Variants in EZH2 observed in about 807,000 individuals in gnomAD.
EZH2 encodes enhancer of zeste 2 polycomb repressive complex 2 subunit, also known as histone-lysine N-methyltransferase EZH2.
In EZH2, 18 loss-of-function variants were observed where a neutral mutation model predicts 98.4. That is an observed-to-expected ratio of 0.18 (90% CI 0.13 to 0.27). The LOEUF (loss-of-function observed/expected upper bound fraction) is 0.27. Among genes scored for constraint, EZH2 ranks in the 10% least tolerant of loss-of-function variants. The pLI, the probability that EZH2 is intolerant of heterozygous loss-of-function variation, is 1.00. For missense variants in EZH2, 470 were observed against 935.1 expected (o/e 0.50, Z 6.49); for synonymous variants, 338 against 312.3 (o/e 1.08, Z -0.87).
At chr7:148,849,669 A>G (rs958825548) in intron 1 of EZH2, among the ~76,000 whole-genome samples, 3 of 152,230 alleles carry the variant, frequency 2.0e-5, no homozygotes, top group Non-Finnish European at 4.4e-5. Context: ...TTAGGAAGGC[A>G]GTGAGGTAGG....
chr7:148,881,528 T>C (rs1205232052), intron 1 of EZH2, among the ~76,000 whole-genome samples: 1 of 152,152 alleles, frequency 6.6e-6, no homozygotes, highest in Non-Finnish European at 1.5e-5. Flanking sequence ...CAGAAAATAA[T>C]TTAATATGAA....
intron 3 of EZH2, among the ~76,000 whole-genome samples, chr7:148,843,708 G>A (rs950183383): frequency 1.4e-5 from 2 of 141,694 alleles, no homozygotes; most frequent in Non-Finnish European, 3.0e-5. Flanking sequence ...CCATTCTCCT[G>A]CCTCAGCCTC....
At chr7:148,829,960 T>A in intron 4 of EZH2, 112 bp from the exon 5 acceptor site, 1 of 676,752 alleles carries the variant, frequency 1.5e-6, no homozygotes, top group East Asian at 3.3e-5. Context: ...GTTCTCCAGA[T>A]TTAAAATACT....
intron 1 of EZH2, among the ~76,000 whole-genome samples, chr7:148,861,716 A>G (rs1479986879): frequency 6.6e-6 from 1 of 151,798 alleles, no homozygotes; most frequent in Non-Finnish European, 1.5e-5. Context: ...CATGCCTATA[A>G]TCCTAGCACT....
At chr7:148,809,910 C>T (rs1802555323) in intron 17 of EZH2, among the ~76,000 whole-genome samples, 1 of 152,254 alleles carries the variant, frequency 6.6e-6, no homozygotes, top group Non-Finnish European at 1.5e-5. Flanking sequence ...ATGAAAGCAG[C>T]TGCCTTTCCT....
chr7:148,875,506 G>A (rs942755689), intron 1 of EZH2, among the ~76,000 whole-genome samples: 1 of 152,136 alleles, frequency 6.6e-6, no homozygotes, highest in African/African-American at 2.4e-5. Flanking sequence ...ATGAAAAGAT[G>A]TTCCAACATC....
intron 12 of EZH2, among the ~76,000 whole-genome samples, chr7:148,816,018 T>C (rs1804447525): frequency 2.0e-5 from 3 of 152,330 alleles, no homozygotes; most frequent in African/African-American, 4.8e-5. Context: ...CCTACACTTA[T>C]TTTTGTTAAA....
Position 148,827,269 on chromosome 7 carries a change from A to G in EZH2, c.626-3T>C, listed in dbSNP as rs775960927. The G allele has an allele frequency of 7.5e-6, 12 of 1,605,268 alleles. No individual in the cohort carries two copies. Among genetic ancestry groups the G allele is most frequent in the Non-Finnish European group, 8.5e-6 (10 of 1,175,400 alleles). ...CCGAGGTGGGCGGCTTTCTTTATCTAAACAGGAGAATATGAAAGGAAAAAA... is the reference window on the plus strand; with the variant it reads ...CCGAGGTGGGCGGCTTTCTTTATCTGAACAGGAGAATATGAAAGGAAAAAA... On this transcript the variant is annotated splice_region_variant and splice_polypyrimidine_tract_variant and intron_variant, in intron 6 of 19. Coordinates refer to ENST00000320356, the MANE Select transcript of EZH2 (RefSeq NM_004456.5).
At chr7:148,869,666 A>G (rs1224050782) in intron 1 of EZH2, among the ~76,000 whole-genome samples, 2 of 152,210 alleles carry the variant, frequency 1.3e-5, no homozygotes, top group African/African-American at 4.8e-5. Flanking sequence ...AGGGCCCACT[A>G]CCTGAGGGAA....
At chr7:148,810,968 G>A (rs948992785) in intron 16 of EZH2, among the ~76,000 whole-genome samples, 9 of 151,308 alleles carry the variant, frequency 5.9e-5, no homozygotes, top group Non-Finnish European at 1.0e-4. Flanking sequence ...ATGATTTTTC[G>A]GTAACACTGT....
chr7:148,846,834 T>G (rs1814196667), intron 2 of EZH2, among the ~76,000 whole-genome samples: 2 of 123,540 alleles, frequency 1.6e-5, no homozygotes, highest in African/African-American at 6.3e-5. Context: ...CCTTTCTTTG[T>G]TGACTGTGTG....
chr7:148,862,907 G>GTTTTT (rs1817896416), intron 1 of EZH2, among the ~76,000 whole-genome samples: 1 of 145,130 alleles, frequency 6.9e-6, no homozygotes, highest in African/African-American at 2.6e-5. Context: ...TTTTTTGTTT[G>GTTTTT]TTTTTGTTTT....
chr7:148,814,268 A>G, intron 14 of EZH2, 131 bp from the exon 15 acceptor site: 1 of 727,910 alleles, frequency 1.4e-6, no homozygotes, highest in East Asian at 2.6e-5. Flanking sequence ...ACCCTACTAT[A>G]TAGACAAGGA....
At chr7:148,823,296 TGGC>T (rs1449060738) in intron 8 of EZH2, among the ~76,000 whole-genome samples, 1 of 152,220 alleles carries the variant, frequency 6.6e-6, no homozygotes, top group Non-Finnish European at 1.5e-5. Flanking sequence ...ATATTTGCTG[TGGC>T]ATCGTTACAG....
chr7:148,851,270 T>C (rs1467520518), intron 1 of EZH2, among the ~76,000 whole-genome samples: 1 of 152,122 alleles, frequency 6.6e-6, no homozygotes, highest in Admixed American at 6.5e-5. Flanking sequence ...ACCCTGTGGT[T>C]CAGTTGTCCC....
chr7:148,850,933 A>G (rs1301658649), intron 1 of EZH2, among the ~76,000 whole-genome samples: 1 of 152,226 alleles, frequency 6.6e-6, no homozygotes, highest in Non-Finnish European at 1.5e-5. Flanking sequence ...TATTGTTACA[A>G]AAGTTACGTA....
chr7:148,815,488 G>A lies in EZH2; in HGVS notation c.1546+18C>T, dbSNP rs1804310895. 6.2e-7 allele frequency: 1 copy of A among 1,609,020 alleles called. No individual in the cohort carries two copies. The highest frequency in any genetic ancestry group is 1.7e-5 in the Admixed American group (1 of 60,006). ...GATATTGTTAAGCTAATAATGAGAG[G>A]AATGGAAAGATGCTAACCCTTTTTC... is the stretch of plus-strand genomic sequence containing the variant. On this transcript the variant is annotated intron_variant, in intron 13 of 19. Coordinates refer to ENST00000320356, the MANE Select transcript of EZH2 (RefSeq NM_004456.5).
At chr7:148,861,037 ATTG>A (rs1817591952) in intron 1 of EZH2, among the ~76,000 whole-genome samples, 1 of 152,014 alleles carries the variant, frequency 6.6e-6, no homozygotes. Flanking sequence ...TCTAGGGGGT[ATTG>A]GTTCCAGGAA....
rs560966145 is a variant in EZH2, at chr7:148,807,762, A to AGACTT, written c.2196-61_2196-57dup. Reference sequence around the variant, plus strand: ...ATGGCCACCCATCCAACATGTGCTGAGACTTAACACAACAAAGCCTGCTGA... The same window carrying AGACTT: ...ATGGCCACCCATCCAACATGTGCTGAGACTTGACTTAACACAACAAAGCCTGCTGA... On this transcript the variant is annotated intron_variant, in intron 19 of 19. Coordinates refer to ENST00000320356, the MANE Select transcript of EZH2 (RefSeq NM_004456.5). The AGACTT allele has an allele frequency of 0.62, 693,113 of 1,122,286 alleles. 222,742 individuals are homozygous for AGACTT. The highest frequency in any genetic ancestry group is 0.78 in the African/African-American group (49,464 of 63,808). The allele number at this position is 1,122,286 out of a possible 1,614,324, so 69.5% of individuals were successfully genotyped here. A position where few individuals can be genotyped will look rare whatever the true frequency, so the allele number is the denominator to read the frequency against.
Sources: allele counts gnomAD v4.1 joint callset (sites outside exome capture counted in the v4.1 genomes callset), GRCh38; gene constraint gnomAD v4.1.1; transcripts MANE v1.5; gene names NCBI Gene and HGNC (gene_info 2026-07-23, HGNC 2026-07-21).